UMAD1: variants seen among roughly 807,000 people sequenced by gnomAD.
UMAD1 encodes UBAP1-MVB12-associated (UMA)-domain containing protein 1.
UMAD1 carries 8 observed loss-of-function variants against 6.1 expected under a neutral mutation model. The observed-to-expected ratio is 1.30, with a 90% CI of 0.76 to 2.35. The LOEUF (loss-of-function observed/expected upper bound fraction) is 2.35, where lower values mean the gene tolerates loss of function less well. UMAD1 is among the 30% of genes most tolerant of loss of function. The pLI, the probability that UMAD1 is intolerant of heterozygous loss-of-function variation, is 0.00. For synonymous variants in UMAD1, 56 were observed against 31.4 expected (o/e 1.78, Z -2.61); for missense variants, 130 against 78.4 (o/e 1.66, Z -2.49).
At chr7:7,843,874 T>C (rs945079771) in intron 3 of UMAD1, among the ~76,000 whole-genome samples, 1 of 152,146 alleles carries the variant, frequency 6.6e-6, no homozygotes, top group African/African-American at 2.4e-5. Context: ...CTTCCCATAA[T>C]TGCAAAAACT....
At chr7:7,797,729 C>A (rs575504058) in intron 2 of UMAD1, among the ~76,000 whole-genome samples, 65 of 150,994 alleles carry the variant, frequency 4.3e-4, no homozygotes, top group Non-Finnish European at 5.6e-4. Flanking sequence ...CACTCTGTTG[C>A]CCAGGCTGGA....
chr7:7,669,802 C>T (rs562690147), intron 1 of UMAD1, among the ~76,000 whole-genome samples: 1 of 152,258 alleles, frequency 6.6e-6, no homozygotes, highest in South Asian at 2.1e-4. Flanking sequence ...TGAAATTATC[C>T]AAAGCAAATC....
chr7:7,823,892 C>G (rs555998458), intron 3 of UMAD1, among the ~76,000 whole-genome samples: 36 of 152,102 alleles, frequency 2.4e-4, no homozygotes, highest in Non-Finnish European at 4.7e-4. Flanking sequence ...CTTCTCACAT[C>G]TCTTTATTTT....
intron 2 of UMAD1, among the ~76,000 whole-genome samples, chr7:7,793,939 C>G (rs549882066): frequency 4.4e-4 from 67 of 152,242 alleles, no homozygotes; most frequent in African/African-American, 1.5e-3. Flanking sequence ...GTCAAATACA[C>G]TTCGAAAAAA....
chr7:7,766,415 G>A (rs1405343955), intron 2 of UMAD1, among the ~76,000 whole-genome samples: 1 of 152,088 alleles, frequency 6.6e-6, no homozygotes, highest in Non-Finnish European at 1.5e-5. Context: ...GAATAAAATA[G>A]GTCCTCGTGT....
intron 2 of UMAD1, among the ~76,000 whole-genome samples, chr7:7,713,464 G>C (rs1228177438): frequency 1.3e-5 from 2 of 148,748 alleles, no homozygotes; most frequent in South Asian, 4.2e-4. Flanking sequence ...ATTATGTTCT[G>C]CTCCTCCCCC....
At position 7,878,885 on chromosome 7, in the gene UMAD1, T is replaced by A. The variant is rs1047562; in HGVS notation, c.*1347T>A. 25,099 of 152,204 alleles carry A rather than the reference T, an allele frequency of 0.16. 2,970 individuals are homozygous for A. The highest frequency in any genetic ancestry group is 0.24 in the Non-Finnish European group (16,044 of 67,970). 9.4% of individuals were successfully genotyped at this position (152,204 alleles called of 1,614,324 possible). A position where few individuals can be genotyped will look rare whatever the true frequency, so the allele number is the denominator to read the frequency against. On this transcript the variant is annotated 3_prime_UTR_variant, in exon 4 of 4. Coordinates refer to ENST00000682710, the MANE Select transcript of UMAD1 (RefSeq NM_001302348.2). ...TTACATATAATGTTACCATATGGTG[T>A]TAATGATTAAATTAGATCTTTACAT... is the stretch of plus-strand genomic sequence containing the variant.
intron 2 of UMAD1, among the ~76,000 whole-genome samples, chr7:7,791,672 A>G (rs957134097): frequency 1.3e-5 from 2 of 152,220 alleles, no homozygotes; most frequent in Non-Finnish European, 2.9e-5. Context: ...AACTAAGGAC[A>G]TCAGTGAAGC....
At chr7:7,805,366 C>G (rs1782891379) in intron 3 of UMAD1, among the ~76,000 whole-genome samples, 1 of 152,112 alleles carries the variant, frequency 6.6e-6, no homozygotes, top group Non-Finnish European at 1.5e-5. Context: ...CCCTGAGGTA[C>G]CCTTGGCTCC....
At chr7:7,748,626 A>T (rs73050028) in intron 2 of UMAD1, among the ~76,000 whole-genome samples, 12,927 of 152,154 alleles carry the variant, frequency 0.085, 721 homozygotes, top group Non-Finnish European at 0.11. Flanking sequence ...TAATAATATA[A>T]TCATAATGCC....
chr7:7,673,756 T>C (rs941435683), intron 2 of UMAD1, among the ~76,000 whole-genome samples: 1 of 152,002 alleles, frequency 6.6e-6, no homozygotes, highest in Non-Finnish European at 1.5e-5. Flanking sequence ...CAAGAATCCT[T>C]GATGAATTCA....
At chr7:7,654,303 A>G (rs1785292635) in intron 1 of UMAD1, among the ~76,000 whole-genome samples, 1 of 152,244 alleles carries the variant, frequency 6.6e-6, no homozygotes, top group African/African-American at 2.4e-5. Flanking sequence ...GGCCATCTGT[A>G]TTCAGTGATG....
intron 3 of UMAD1, among the ~76,000 whole-genome samples, chr7:7,845,632 G>A (rs1354831864): frequency 2.6e-5 from 4 of 152,014 alleles, no homozygotes; most frequent in African/African-American, 9.7e-5. Context: ...GTAGGTAAAT[G>A]TTCCTTTTTG....
intron 2 of UMAD1, among the ~76,000 whole-genome samples, chr7:7,751,559 A>T (rs6962938): frequency 0.34 from 51,925 of 152,028 alleles, 10,616 homozygotes; most frequent in African/African-American, 0.57. Flanking sequence ...TCCTATAAGC[A>T]TATGTCACCC....
chr7:7,707,482 G>A (rs1411363289), intron 2 of UMAD1, among the ~76,000 whole-genome samples: 1 of 152,094 alleles, frequency 6.6e-6, no homozygotes, highest in Non-Finnish European at 1.5e-5. Context: ...TTGGCAGTGG[G>A]AATGCCATAT....
chr7:7,690,779 G>A (rs925212283), intron 2 of UMAD1, among the ~76,000 whole-genome samples: 7 of 152,114 alleles, frequency 4.6e-5, no homozygotes, highest in South Asian at 2.1e-4. Flanking sequence ...TATAGTGAAA[G>A]CATTCCCTTC....
At chr7:7,851,533 G>A (rs192875647) in intron 3 of UMAD1, among the ~76,000 whole-genome samples, 2 of 152,262 alleles carry the variant, frequency 1.3e-5, no homozygotes, top group African/African-American at 4.8e-5. Context: ...GTGTGGGAGT[G>A]TTCCAGTTTC....
intron 3 of UMAD1, among the ~76,000 whole-genome samples, chr7:7,856,073 T>C (rs1215455924): frequency 6.6e-6 from 1 of 152,196 alleles, no homozygotes; most frequent in African/African-American, 2.4e-5. Context: ...TCAACAAGTC[T>C]CTAGGAAGTT....
At chr7:7,745,409 C>T (rs717298) in intron 2 of UMAD1, among the ~76,000 whole-genome samples, 69,158 of 151,808 alleles carry the variant, frequency 0.46, 16,769 homozygotes, top group African/African-American at 0.61. Flanking sequence ...GAACTCCTTA[C>T]GGGGTGTGCC....
Sources: gnomAD v4.1 joint callset for allele counts (sites outside exome capture counted in the v4.1 genomes callset) on GRCh38, gnomAD v4.1.1 for gene constraint, MANE v1.5 for transcripts, NCBI Gene and HGNC (gene_info 2026-07-23, HGNC 2026-07-21) for gene names.